Variants in NFATC1 observed in about 807,000 individuals in gnomAD.
NFATC1 encodes the protein nuclear factor of activated T-cells, cytoplasmic 1.
In NFATC1, 22 loss-of-function variants were observed where a neutral mutation model predicts 76.0. That is an observed-to-expected ratio of 0.29 (90% CI 0.21 to 0.41). The LOEUF (loss-of-function observed/expected upper bound fraction) is 0.41. Ranked by LOEUF, NFATC1 falls within the 10% of genes least tolerant of loss-of-function variation. NFATC1 has a pLI of 1.00. For synonymous variants in NFATC1, 704 were observed against 613.1 expected, an observed-to-expected ratio of 1.15 and a Z score of -2.19; for missense variants, 1,357 against 1,337.7, an observed-to-expected ratio of 1.01 and a Z score of -0.23.
At chr18:79,461,753 C>T (rs1172137665) in intron 7 of NFATC1, among the ~76,000 whole-genome samples, 1 of 152,182 alleles carries the variant, frequency 6.6e-6, no homozygotes, top group East Asian at 1.9e-4. Flanking sequence ...TCCTGGGAGT[C>T]AGTGCTGTGC....
intron 2 of NFATC1, chr18:79,422,583 G>A (rs35229627): frequency 0.1 from 15,306 of 152,346 alleles, 983 homozygotes; most frequent in Non-Finnish European, 0.14. Context: ...AGGGGAGTGA[G>A]GGAGAGGGAG....
At chr18:79,515,033 G>A (rs1008983081) in intron 9 of NFATC1, among the ~76,000 whole-genome samples, 2 of 152,024 alleles carry the variant, frequency 1.3e-5, no homozygotes, top group Non-Finnish European at 2.9e-5. Flanking sequence ...AACAGACAGA[G>A]CAAGACGCTG....
chr18:79,419,222 C>T (rs898528818), intron 2 of NFATC1, among the ~76,000 whole-genome samples: 2 of 152,132 alleles, frequency 1.3e-5, no homozygotes, highest in African/African-American at 2.4e-5. Context: ...AGAGTCTTGC[C>T]GTGTTGTCCA....
chr18:79,425,287 T>TTCTG (rs2086286883), intron 2 of NFATC1, among the ~76,000 whole-genome samples: 1 of 115,630 alleles, frequency 8.6e-6, no homozygotes, highest in African/African-American at 2.9e-5. Flanking sequence ...CTGTCTGTCT[T>TTCTG]TCTTTCTTAC....
At position 79,407,017 on chromosome 18, in the gene NFATC1, C is replaced by T. The variant is rs140661195; in HGVS notation, c.128-3386C>T. ...CGGCTCAGGGGCTTTGCACGGGCCA[C>T]GGAGGGGCCACCGTGACGCCCAGGC... On this transcript the variant is annotated intron_variant, in intron 1 of 9. Coordinates refer to ENST00000427363, the MANE Select transcript of NFATC1 (RefSeq NM_001278669.2). Among the ~76,000 whole-genome samples, 592 of 152,306 alleles carry T rather than the reference C, an allele frequency of 3.9e-3. 5 individuals carry two copies. The highest frequency in any genetic ancestry group is 3.5e-3 in the Non-Finnish European group (235 of 68,012).
At position 79,448,799 on chromosome 18, in the gene NFATC1, G is replaced by C; in HGVS notation, c.1404G>C (p.Glu468Asp). The change falls in exon 4 of 10, where the codon GAG (glutamate) becomes GAC (aspartate). Residue 468 changes from glutamate (E) to aspartate (D), a missense_variant. Glu to Asp is a conservative substitution (Grantham distance 45, BLOSUM62 2). Transcript: ENST00000427363. ...CTCGCCAGCTGCATGGCTACTTGGAGAATGAGCCGCTGATGCTGCAGCTTT... is the reference window on the plus strand; with the variant it reads ...CTCGCCAGCTGCATGGCTACTTGGACAATGAGCCGCTGATGCTGCAGCTTT... Reference protein sequence around the residue: ...HPIVQLHGYLENEPLMLQLFI... With the variant: ...HPIVQLHGYLDNEPLMLQLFI... 6.2e-7 allele frequency: 1 copy of C among 1,613,700 alleles called. No individual in the cohort carries two copies. The highest frequency in any genetic ancestry group is 8.5e-7 in the Non-Finnish European group (1 of 1,179,934).
intron 2 of NFATC1, among the ~76,000 whole-genome samples, chr18:79,427,970 G>A (rs1383750500): frequency 1.4e-5 from 2 of 147,292 alleles, no homozygotes; most frequent in Non-Finnish European, 3.0e-5. Flanking sequence ...GTGGGTGGCG[G>A]GGGGGTGCTG....
chr18:79,481,138 C>CCT (rs2089257586), intron 8 of NFATC1, among the ~76,000 whole-genome samples: 1 of 152,236 alleles, frequency 6.6e-6, no homozygotes, highest in Non-Finnish European at 1.5e-5. Flanking sequence ...TTGGCCAAGC[C>CCT]CTGCCTCTGG....
At chr18:79,425,894 CTT>C (rs1462500895) in intron 2 of NFATC1, among the ~76,000 whole-genome samples, 24 of 152,324 alleles carry the variant, frequency 1.6e-4, no homozygotes, top group African/African-American at 4.8e-4. Flanking sequence ...CTGTAGAAGA[CTT>C]TTAAACACAG....
chr18:79,483,187 CCAGCGTGACCTGGTTCCTGGGGTGTAAT>C (rs2089360139), intron 8 of NFATC1, among the ~76,000 whole-genome samples: 1 of 114,528 alleles, frequency 8.7e-6, no homozygotes, highest in Non-Finnish European at 1.8e-5. Context: ...GGGTGTAATT[CCAGCGTGACCTGGTTCCTGGGGTGTAAT>C]TCCAGCGTGA....
At chr18:79,498,152 AGAAAACAT>A (rs1569033744) in intron 9 of NFATC1, 1 of 152,182 alleles carries the variant, frequency 6.6e-6, no homozygotes, top group Non-Finnish European at 1.5e-5. Flanking sequence ...AGTACATGCA[AGAAAACAT>A]GAAAATATGT....
intron 2 of NFATC1, among the ~76,000 whole-genome samples, chr18:79,415,655 G>C (rs910436250): frequency 6.6e-6 from 1 of 152,102 alleles, no homozygotes; most frequent in African/African-American, 2.4e-5. Flanking sequence ...TAAGGAGTGA[G>C]GTAAAGAAAA....
intron 8 of NFATC1, among the ~76,000 whole-genome samples, chr18:79,479,681 C>A (rs562615356): frequency 5.9e-5 from 9 of 152,236 alleles, no homozygotes; most frequent in Non-Finnish European, 1.0e-4. Context: ...CAGAGAACAT[C>A]CCGCTGCATC....
chr18:79,436,786 C>A (rs1196398969), intron 3 of NFATC1, among the ~76,000 whole-genome samples: 1 of 152,088 alleles, frequency 6.6e-6, no homozygotes, highest in East Asian at 1.9e-4. Flanking sequence ...GGGGGTCCGG[C>A]ATCCGGGGCT....
chr18:79,527,821 G>C lies in NFATC1; in HGVS notation c.*244G>C. 1 of 566,788 alleles carries C rather than the reference G, an allele frequency of 1.8e-6. No individual in the cohort carries two copies. The highest frequency in any genetic ancestry group is 3.1e-6 in the Non-Finnish European group (1 of 319,470). 35.1% of individuals were successfully genotyped at this position (566,788 alleles called of 1,614,324 possible). A position where few individuals can be genotyped will look rare whatever the true frequency, so the allele number is the denominator to read the frequency against. ...CATGACAACAGAAGGGAGGTGGCCG[G>C]GCTGAGCACGGGAGACCCACCGTGC... On this transcript the variant is annotated 3_prime_UTR_variant, in exon 10 of 10. Coordinates refer to ENST00000427363, the MANE Select transcript of NFATC1 (RefSeq NM_001278669.2).
chr18:79,450,890 G>A (rs2087442406), intron 4 of NFATC1, 64 bp from the exon 5 acceptor site: 11 of 1,559,158 alleles, frequency 7.1e-6, no homozygotes, highest in East Asian at 4.5e-5. Flanking sequence ...GGTCTGGGGG[G>A]CCAGGCCTTT....
intron 9 of NFATC1, among the ~76,000 whole-genome samples, chr18:79,519,897 C>T (rs773419941): frequency 6.6e-6 from 1 of 152,142 alleles, no homozygotes; most frequent in Non-Finnish European, 1.5e-5. Flanking sequence ...CAGACGTGCT[C>T]GCTGTCGCTC....
At position 79,411,177 on chromosome 18, in the gene NFATC1, T is replaced by C; in HGVS notation, c.902T>C (p.Leu301Ser). ...PRVSVTDDSW[L>S]GNTTQYTSSA... is the part of the protein sequence containing the mutation. ...GTCAGCGTGACCGACGACTCGTGGTTGGGCAACACCACCCAGTACACCAGC... is the reference window on the plus strand; with the variant it reads ...GTCAGCGTGACCGACGACTCGTGGTCGGGCAACACCACCCAGTACACCAGC... Residue 301 changes from leucine (L) to serine (S), a missense_variant, in exon 2 of 10, where the codon TTG becomes TCG. By Grantham distance (145) the Leu-to-Ser change is moderately radical. Around this residue, in one of 3 missense-constraint regions of NFATC1, gnomAD observed 691 missense variants for 613.1 expected, o/e 1.13. Transcript: ENST00000427363. The C allele has an allele frequency of 1.2e-6, 2 of 1,611,842 alleles. No individual in the cohort carries two copies. The highest frequency in any genetic ancestry group is 1.7e-6 in the Non-Finnish European group (2 of 1,179,846).
At chr18:79,453,791 G>C (rs530975105) in intron 6 of NFATC1, among the ~76,000 whole-genome samples, 2 of 152,370 alleles carry the variant, frequency 1.3e-5, no homozygotes, top group African/African-American at 4.8e-5. Context: ...ATTCTTTATA[G>C]TTGAATAAGA....
Sources: gnomAD v4.1 joint callset for allele counts (sites outside exome capture counted in the v4.1 genomes callset) on GRCh38, gnomAD v4.1.1 for gene constraint, gnomAD v4.1.1 regional missense constraint, MANE v1.5 for transcripts, NCBI Gene and HGNC (gene_info 2026-07-23, HGNC 2026-07-21) for gene names.